Variants in CHD7 observed in about 807,000 individuals in gnomAD.
CHD7 encodes the protein ATP-dependent chromatin remodeler CHD7.
In CHD7, 24 loss-of-function variants were observed where a neutral mutation model predicts 307.3. The ratio of observed to expected loss-of-function variants is 0.08; its 90% CI spans 0.06 to 0.11. CHD7 has a LOEUF of 0.11. Among genes scored for constraint, CHD7 ranks in the 10% least tolerant of loss-of-function variants. The pLI is 1.00. For missense variants in CHD7, 3,106 were observed against 3,727.1 expected, an observed-to-expected ratio of 0.83 and a Z score of 4.34; for synonymous variants, 1,363 against 1,349.9, an observed-to-expected ratio of 1.01 and a Z score of -0.21.
At chr8:60,787,829 CTTT>C (rs33993174) in intron 3 of CHD7, among the ~76,000 whole-genome samples, 16 of 108,796 alleles carry the variant, frequency 1.5e-4, no homozygotes, top group Non-Finnish European at 1.9e-4. Context: ...GATTTTCTTT[CTTT>C]TTTTTTTTTT....
rs935815422 is a variant in CHD7 at position 60,865,292 on chromosome 8, G to T, written c.8353G>T (p.Ala2785Ser). 3.1e-6 allele frequency: 5 copies of T among 1,609,354 alleles called. No homozygotes were observed. In the African/African-American group the frequency reaches 5.3e-5, roughly 17 times the overall value. The stretch of plus-strand genomic sequence containing the variant: ...TCCAGGACTGGCAACAGCTGCCACC[G>T]CCGGAGGCGATGCGAAGAACCCTGC... Reference protein sequence around the residue: ...FPPGLATAATAGGDAKNPAAV... With the variant: ...FPPGLATAATSGGDAKNPAAV... Residue 2785 changes from alanine to serine, a missense_variant, in exon 38 of 38, where the codon GCC becomes TCC. This residue lies in a region of CHD7 where 351 missense variants were observed against 366.2 expected (regional missense o/e 0.96). Coordinates refer to ENST00000423902, the MANE Select transcript of CHD7 (RefSeq NM_017780.4). The surrounding 1 kb of genome is among the most constrained non-coding windows in gnomAD (Gnocchi z 4.3).
intron 2 of CHD7, among the ~76,000 whole-genome samples, chr8:60,755,730 A>G (rs58622869): frequency 0.017 from 2,652 of 152,294 alleles, 87 homozygotes; most frequent in African/African-American, 0.06. Context: ...ATTTTATACT[A>G]TAGAGTGGTT....
chr8:60,808,178 T>C (rs1313462032), intron 6 of CHD7, 39 bp from the exon 7 acceptor site: 1 of 1,365,142 alleles, frequency 7.3e-7, no homozygotes, highest in Non-Finnish European at 1.0e-6. Context: ...TTCTAGTAGA[T>C]GGTTTTAAAT....
chr8:60,705,215 A>G (rs939140932), intron 1 of CHD7, among the ~76,000 whole-genome samples: 5 of 139,378 alleles, frequency 3.6e-5, no homozygotes, highest in African/African-American at 1.7e-4. Flanking sequence ...TCCTGGAAAC[A>G]AGGAGGCAGG....
Position 60,837,109 on chromosome 8 carries a change from C to T in CHD7, c.4185+97C>T, listed in dbSNP as rs369812326. 720 of 932,088 alleles carry T rather than the reference C, an allele frequency of 7.7e-4. 14 individuals are homozygous for T. In the South Asian group the frequency reaches 0.012, roughly 16 times the overall value. The allele number at this position is 932,088 out of a possible 1,614,324, so 57.7% of individuals were successfully genotyped here. A position where few individuals can be genotyped will look rare whatever the true frequency, so the allele number is the denominator to read the frequency against. On this transcript the variant is annotated intron_variant, in intron 17 of 37. Transcript: ENST00000423902. ...TCAGACCCATAAATTAATGTTGCGTCGTCACTCAGGCTGTGTCCTATGATT... is the reference window on the plus strand; with the variant it reads ...TCAGACCCATAAATTAATGTTGCGTTGTCACTCAGGCTGTGTCCTATGATT...
chr8:60,747,760 G>A (rs1176325888), intron 2 of CHD7, among the ~76,000 whole-genome samples: 2 of 152,230 alleles, frequency 1.3e-5, no homozygotes, highest in African/African-American at 4.8e-5. Flanking sequence ...TGGAGTCTGA[G>A]TTTTTGAATA....
rs71640286 is a variant in CHD7 at position 60,742,899 on chromosome 8, A to G, written c.1467A>G (p.Gln489=). ...CTGGTGTTGGCCTTGGAGACCCACA[A>G]GCAATCCAGGAACGACTGATACCTG... is the stretch of plus-strand genomic sequence containing the variant. The part of the protein sequence containing the change: ...GCPGVGLGDP[Q]AIQERLIPGQ... Residue 489 remains glutamine, a synonymous_variant, in exon 2 of 38, where the codon CAA becomes CAG. Coordinates refer to ENST00000423902, the MANE Select transcript of CHD7 (RefSeq NM_017780.4). 24 of 1,612,562 alleles carry G rather than the reference A, an allele frequency of 1.5e-5. No individual in the cohort carries two copies. The highest frequency in any genetic ancestry group is 5.3e-5 in the African/African-American group (4 of 75,012).
In CHD7 at chr8:60,856,027, G is replaced by C. The variant is rs77704609; in HGVS notation, c.6989G>C (p.Gly2330Ala). 238 of 1,611,606 alleles carry C rather than the reference G, an allele frequency of 1.5e-4. 2 individuals carry two copies. In the African/African-American group the frequency reaches 3.0e-3, roughly 20 times the overall value. ...LDNICEAVLK[G>A]KWPVNRRQMF... ...AACATCTGTGAAGCAGTGTTGAAAG[G>C]CAAATGGCCAGTAAATAGGCGCCAG... The change falls in exon 33 of 38, where the codon GGC becomes GCC. Residue 2330 changes from glycine (G) to alanine (A), a missense_variant. Gly to Ala is a moderately conservative substitution (Grantham distance 60). This residue lies in a region of CHD7 where 1,030 missense variants were observed against 1,165.4 expected (regional missense o/e 0.88). Coordinates refer to ENST00000423902, the MANE Select transcript of CHD7 (RefSeq NM_017780.4).
At chr8:60,700,193 G>C (rs541379590) in intron 1 of CHD7, among the ~76,000 whole-genome samples, 2 of 152,274 alleles carry the variant, frequency 1.3e-5, no homozygotes, top group East Asian at 3.9e-4. Context: ...AATTTTAGAA[G>C]ATCATTATGA....
At chr8:60,795,717 A>C (rs1309528145) in intron 4 of CHD7, among the ~76,000 whole-genome samples, 1 of 152,214 alleles carries the variant, frequency 6.6e-6, no homozygotes, top group Admixed American at 6.5e-5. Flanking sequence ...GCTAACCCTG[A>C]AGTAAACGTG....
At chr8:60,864,842 C>T in intron 37 of CHD7, 174 bp from the exon 38 acceptor site, 1 of 676,898 alleles carries the variant, frequency 1.5e-6, no homozygotes. Flanking sequence ...AGCAAGCTAA[C>T]ATAATAATAA....
chr8:60,814,728 A>G (rs1481030674), intron 7 of CHD7, among the ~76,000 whole-genome samples: 1 of 152,202 alleles, frequency 6.6e-6, no homozygotes, highest in African/African-American at 2.4e-5. Context: ...TTATGACAGT[A>G]TTGCATATTA....
chr8:60,747,489 T>C (rs1809390445), intron 2 of CHD7, among the ~76,000 whole-genome samples: 1 of 152,188 alleles, frequency 6.6e-6, no homozygotes, highest in South Asian at 2.1e-4. Flanking sequence ...TTTTAAAAAA[T>C]GAAAGATAAG....
chr8:60,794,246 T>G (rs1174013894), intron 3 of CHD7, among the ~76,000 whole-genome samples: 1 of 152,184 alleles, frequency 6.6e-6, no homozygotes, highest in Non-Finnish European at 1.5e-5. Flanking sequence ...TTCTTGAAGT[T>G]TATGTCTTTT....
intron 1 of CHD7, among the ~76,000 whole-genome samples, chr8:60,692,480 C>A (rs1806246023): frequency 6.6e-6 from 1 of 152,228 alleles, no homozygotes; most frequent in Non-Finnish European, 1.5e-5. Context: ...GCAACCATTT[C>A]AAGCCAGTGT....
intron 7 of CHD7, 102 bp from the exon 8 acceptor site, chr8:60,816,285 C>T (rs1803743617): frequency 1.5e-6 from 1 of 671,190 alleles, no homozygotes; most frequent in South Asian, 1.8e-5. Context: ...GGTAATTAAG[C>T]AGGTTATTTT....
intron 1 of CHD7, among the ~76,000 whole-genome samples, chr8:60,704,069 T>TA (rs1246706372): frequency 6.6e-6 from 1 of 152,104 alleles, no homozygotes; most frequent in East Asian, 1.9e-4. Context: ...CCTGCCCCTT[T>TA]AAAAAAACAC....
intron 15 of CHD7, among the ~76,000 whole-genome samples, chr8:60,833,319 A>G (rs931605816): frequency 2.6e-5 from 4 of 152,200 alleles, no homozygotes; most frequent in Admixed American, 6.5e-5. Flanking sequence ...GGAATTTCCA[A>G]TTTTTAGGTT....
intron 2 of CHD7, among the ~76,000 whole-genome samples, chr8:60,745,507 A>T (rs990549726): frequency 7.1e-5 from 8 of 111,962 alleles, no homozygotes; most frequent in African/African-American, 1.7e-4. Context: ...GCCCACATGC[A>T]TTCCCTCCTT....
Sources: gnomAD v4.1 joint callset for allele counts (sites outside exome capture counted in the v4.1 genomes callset) on GRCh38, gnomAD v4.1.1 for gene constraint, gnomAD v4.1.1 regional missense constraint, Gnocchi (gnomAD v3.1) non-coding constraint, MANE v1.5 for transcripts, NCBI Gene and HGNC (gene_info 2026-07-23, HGNC 2026-07-21) for gene names.